DLG2: variants seen among roughly 807,000 people sequenced by gnomAD.
The protein encoded by DLG2 is discs large MAGUK scaffold protein 2.
In DLG2, 45 loss-of-function variants were observed where a neutral mutation model predicts 132.5. The observed-to-expected ratio is 0.34, with a 90% confidence interval of 0.27 to 0.44. The LOEUF (loss-of-function observed/expected upper bound fraction) is 0.44. Ranked by LOEUF, DLG2 falls within the 20% of genes least tolerant of loss-of-function variation. DLG2 has a pLI of 1.00. For synonymous variants in DLG2, 424 were observed against 419.6 expected, an observed-to-expected ratio of 1.01 and a Z score of -0.13; for missense variants, 1,045 against 1,196.9, an observed-to-expected ratio of 0.87 and a Z score of 1.87.
chr11:84,440,413 G>A (rs1344835361), intron 7 of DLG2, among the ~76,000 whole-genome samples: 2 of 152,098 alleles, frequency 1.3e-5, no homozygotes, highest in Non-Finnish European at 2.9e-5. Flanking sequence ...ATTCTCAGTA[G>A]CAAAAGTTGC....
intron 6 of DLG2, among the ~76,000 whole-genome samples, chr11:84,554,821 A>T (rs956433066): frequency 5.3e-5 from 8 of 152,188 alleles, no homozygotes; most frequent in Non-Finnish European, 8.8e-5. Flanking sequence ...AAGGAACCAT[A>T]TTCATTAGAG....
chr11:85,063,528 C>T (rs762021164), intron 6 of DLG2, among the ~76,000 whole-genome samples: 4 of 151,732 alleles, frequency 2.6e-5, no homozygotes, highest in Non-Finnish European at 5.9e-5. Context: ...CAGTGAAAAA[C>T]GGTACACCTT....
At chr11:84,937,576 T>C (rs142867616) in intron 6 of DLG2, among the ~76,000 whole-genome samples, 4 of 151,926 alleles carry the variant, frequency 2.6e-5, no homozygotes, top group African/African-American at 4.8e-5. Flanking sequence ...GGAGGACGAG[T>C]AGGATTTTAA....
At chr11:84,922,218 G>A (rs2092788747) in intron 6 of DLG2, among the ~76,000 whole-genome samples, 1 of 150,818 alleles carries the variant, frequency 6.6e-6, no homozygotes, top group Admixed American at 6.6e-5. Flanking sequence ...TGTCTTAACT[G>A]CTTCTTAATT....
chr11:83,669,241 T>A (rs2076404728), intron 18 of DLG2, among the ~76,000 whole-genome samples: 2 of 152,306 alleles, frequency 1.3e-5, no homozygotes, highest in East Asian at 3.9e-4. Context: ...TACTCATTCC[T>A]ATTAATTTAC....
chr11:84,967,770 T>C (rs577693703), intron 6 of DLG2, among the ~76,000 whole-genome samples: 36 of 152,216 alleles, frequency 2.4e-4, no homozygotes, highest in Admixed American at 2.2e-3. Flanking sequence ...TCTCAAAGAC[T>C]GAAAATTGCA....
chr11:84,162,803 C>T (rs1373269661), intron 9 of DLG2, among the ~76,000 whole-genome samples: 1 of 152,126 alleles, frequency 6.6e-6, no homozygotes, highest in East Asian at 1.9e-4. Flanking sequence ...TGAGGTTGAA[C>T]AGGTTTTCAT....
chr11:84,561,899 G>C (rs1161335949), intron 6 of DLG2, among the ~76,000 whole-genome samples: 1 of 151,954 alleles, frequency 6.6e-6, no homozygotes, highest in Non-Finnish European at 1.5e-5. Context: ...AAACGAAATT[G>C]CAACTGGGTT....
chr11:85,473,202 A>C (rs891152341), intron 3 of DLG2, among the ~76,000 whole-genome samples: 2 of 152,246 alleles, frequency 1.3e-5, no homozygotes, highest in African/African-American at 4.8e-5. Flanking sequence ...GCCAGTAGCA[A>C]AAGCCAAGCA....
rs1208943223 is a variant in DLG2 at position 84,402,739 on chromosome 11, C to G, written c.519+131831G>C. 3.3e-5 allele frequency among the ~76,000 whole-genome samples: 5 copies of G among 151,784 alleles called. No individual in the cohort carries two copies. In the East Asian group the frequency reaches 7.8e-4, roughly 24 times the overall value. On this transcript the variant is annotated intron_variant, in intron 7 of 27. Coordinates refer to ENST00000376104, the MANE Select transcript of DLG2 (RefSeq NM_001142699.3). ...CTACTAAAAATACAAGAAATTAGCCCAGTGAGGTGGCGGGCGCCTGTAGTC... is the reference window on the plus strand; with the variant it reads ...CTACTAAAAATACAAGAAATTAGCCGAGTGAGGTGGCGGGCGCCTGTAGTC...
chr11:83,491,700 G>A (rs1265344477), intron 21 of DLG2, among the ~76,000 whole-genome samples: 1 of 151,954 alleles, frequency 6.6e-6, no homozygotes, highest in Non-Finnish European at 1.5e-5. Flanking sequence ...TTTCCTTAAC[G>A]TTGAGGCCCA....
intron 4 of DLG2, among the ~76,000 whole-genome samples, chr11:85,226,544 C>A (rs2074989184): frequency 6.6e-6 from 1 of 151,912 alleles, no homozygotes; most frequent in African/African-American, 2.4e-5. Context: ...CAGAGCAAGA[C>A]CCTGTCTTTA....
At chr11:84,588,242 A>C (rs2099534459) in intron 6 of DLG2, among the ~76,000 whole-genome samples, 2 of 152,122 alleles carry the variant, frequency 1.3e-5, no homozygotes, top group African/African-American at 4.8e-5. Context: ...TTGACTCCGC[A>C]ATCCATGCTG....
Position 83,760,798 on chromosome 11 carries a change from G to A in DLG2, c.1825+25892C>T, listed in dbSNP as rs141283801. On this transcript the variant is annotated intron_variant, in intron 18 of 27. Coordinates refer to ENST00000376104, the MANE Select transcript of DLG2 (RefSeq NM_001142699.3). ...TGGCATCTTCCCAGTTCAACACCAC[G>A]GTCCCTTGCCTAGACAACTGTAGCA... 1.7e-3 allele frequency among the ~76,000 whole-genome samples: 252 copies of A among 152,138 alleles called. 1 individual carries two copies. Among genetic ancestry groups the A allele is most frequent in the African/African-American group, 5.9e-3 (246 of 41,498 alleles).
intron 3 of DLG2, among the ~76,000 whole-genome samples, chr11:85,519,568 G>C (rs1436006823): frequency 6.6e-6 from 1 of 152,192 alleles, no homozygotes; most frequent in Admixed American, 6.5e-5. Context: ...AGGCAGAAGG[G>C]ACTTGCCTTT....
chr11:84,600,222 A>AAGAAAGAG (rs2099573488), intron 6 of DLG2, among the ~76,000 whole-genome samples: 4 of 121,270 alleles, frequency 3.3e-5, no homozygotes, highest in South Asian at 2.9e-4. Context: ...GAAAGAAAGA[A>AAGAAAGAG]AGAGAAAGAA....
intron 16 of DLG2, among the ~76,000 whole-genome samples, chr11:83,854,177 G>A (rs1424874676): frequency 1.3e-5 from 2 of 151,962 alleles, no homozygotes; most frequent in Non-Finnish European, 2.9e-5. Context: ...AACAAAATAT[G>A]TACAAGACCT....
chr11:84,708,973 G>T (rs563120423), intron 6 of DLG2, among the ~76,000 whole-genome samples: 1 of 151,868 alleles, frequency 6.6e-6, no homozygotes, highest in Non-Finnish European at 1.5e-5. Flanking sequence ...GAAAAAAGTT[G>T]TCTAGTTGAA....
chr11:84,859,389 CATATATATGTATAT>C (rs1566174432), intron 6 of DLG2, among the ~76,000 whole-genome samples: 1 of 142,200 alleles, frequency 7.0e-6, no homozygotes, highest in Non-Finnish European at 1.5e-5. Context: ...TATATGCATA[CATATATATGTATAT>C]ATACATATAT....
Sources: gnomAD v4.1 joint callset for allele counts (sites outside exome capture counted in the v4.1 genomes callset) on GRCh38, gnomAD v4.1.1 for gene constraint, MANE v1.5 for transcripts, NCBI Gene and HGNC (gene_info 2026-07-23, HGNC 2026-07-21) for gene names.